Variants in RORA observed in about 807,000 individuals in gnomAD.
RORA encodes RAR related orphan receptor A.
A neutral mutation model predicts 69.5 loss-of-function variants in RORA; 7 were observed. The observed-to-expected ratio is 0.10, with a 90% CI of 0.06 to 0.19. The LOEUF (loss-of-function observed/expected upper bound fraction) is 0.19, where lower values mean the gene tolerates loss of function less well. Among genes scored for constraint, RORA ranks in the 10% least tolerant of loss-of-function variants. The probability of loss-of-function intolerance (pLI) is 1.00; values close to 1 mark genes in which losing one functional copy is unlikely to be tolerated. For missense variants in RORA, 457 were observed against 663.0 expected (o/e 0.69, Z 3.41); for synonymous variants, 261 against 240.8 (o/e 1.08, Z -0.78).
At chr15:60,563,981 C>T (rs2067648032) in intron 2 of RORA, among the ~76,000 whole-genome samples, 1 of 152,132 alleles carries the variant, frequency 6.6e-6, no homozygotes, top group South Asian at 2.1e-4. Context: ...TATTGTACAG[C>T]CTTTCATGGG....
intron 2 of RORA, among the ~76,000 whole-genome samples, chr15:60,587,357 T>C (rs1023356518): frequency 6.6e-6 from 1 of 152,172 alleles, no homozygotes; most frequent in African/African-American, 2.4e-5. Context: ...ATTGGATCTA[T>C]TTTTTTCCCA....
At chr15:60,592,342 CG>C in intron 2 of RORA, 1 of 1,351,344 alleles carries the variant, frequency 7.4e-7, no homozygotes, top group Admixed American at 3.1e-5. Flanking sequence ...CCCCGCCCCC[CG>C]GAGCCGCCAG....
At chr15:61,151,309 C>T (rs1413006678) in intron 1 of RORA, among the ~76,000 whole-genome samples, 1 of 152,206 alleles carries the variant, frequency 6.6e-6, no homozygotes, top group African/African-American at 2.4e-5. Context: ...GCTCTAAATA[C>T]AGTGCTCTTC....
At chr15:60,866,849 T>TATCTATCTA (rs1245521369) in intron 1 of RORA, among the ~76,000 whole-genome samples, 1 of 149,836 alleles carries the variant, frequency 6.7e-6, no homozygotes, top group Non-Finnish European at 1.5e-5. Flanking sequence ...TCTATCTATC[T>TATCTATCTA]ATCTACCTAC....
At chr15:60,677,282 C>G (rs2070567782) in intron 2 of RORA, 1 of 440,920 alleles carries the variant, frequency 2.3e-6, no homozygotes, top group Admixed American at 2.4e-5. Context: ...ATCTCTCAGT[C>G]ATCATGAGCT....
chr15:61,060,997 C>A (rs1201581853), intron 1 of RORA, among the ~76,000 whole-genome samples: 1 of 152,168 alleles, frequency 6.6e-6, no homozygotes, highest in Non-Finnish European at 1.5e-5. Context: ...AAGCAGGTAT[C>A]CTCAAAGTCC....
At chr15:60,600,168 G>A (rs1426442685) in intron 2 of RORA, among the ~76,000 whole-genome samples, 1 of 152,182 alleles carries the variant, frequency 6.6e-6, no homozygotes, top group African/African-American at 2.4e-5. Context: ...AAATAATGGA[G>A]AAAAGATAAG....
At chr15:60,683,846 C>T (rs1303802426) in intron 1 of RORA, among the ~76,000 whole-genome samples, 1 of 152,218 alleles carries the variant, frequency 6.6e-6, no homozygotes, top group Non-Finnish European at 1.5e-5. Flanking sequence ...AAATGCTTGA[C>T]TCTCTTTAAC....
chr15:60,779,454 C>T (rs929555460), intron 1 of RORA, among the ~76,000 whole-genome samples: 3 of 152,136 alleles, frequency 2.0e-5, no homozygotes, highest in African/African-American at 7.2e-5. Context: ...TTTTACCGGC[C>T]CAGCCCTGCC....
chr15:61,201,757 A>G (rs1298695951), intron 1 of RORA, among the ~76,000 whole-genome samples: 9 of 152,204 alleles, frequency 5.9e-5, no homozygotes, highest in African/African-American at 2.2e-4. Context: ...ATAGGTTAGG[A>G]AAGATTAATT....
At chr15:61,023,805 C>CT (rs1224855991) in intron 1 of RORA, among the ~76,000 whole-genome samples, 1 of 152,190 alleles carries the variant, frequency 6.6e-6, no homozygotes, top group Non-Finnish European at 1.5e-5. Context: ...CAACTTCTTC[C>CT]TTTTCATCAT....
chr15:60,512,487 A>G lies in RORA; in HGVS notation c.425-866T>C, dbSNP rs540451803. 5.9e-5 allele frequency among the ~76,000 whole-genome samples: 9 copies of G among 152,158 alleles called. No homozygotes were observed. In the South Asian group the frequency reaches 1.7e-3, roughly 28 times the overall value. ...CTTTATGTAGAGATGGAGTTTCGCT[A>G]TGTTGCCCTGGCTTGAGGTCTGGAA... On this transcript the variant is annotated intron_variant, in intron 4 of 10. Transcript: ENST00000335670.
At position 61,213,927 on chromosome 15, in the gene RORA, A is replaced by T. The variant is rs1010240340; in HGVS notation, c.166+15126T>A. Reference sequence around the variant, plus strand: ...TTCGAGGAATAGATTTTCTTGCTTCATCCCAGTCCTCCCTCAGCTGGCTCA... The same window carrying T: ...TTCGAGGAATAGATTTTCTTGCTTCTTCCCAGTCCTCCCTCAGCTGGCTCA... On this transcript the variant is annotated intron_variant, in intron 1 of 10. Transcript: ENST00000335670. The surrounding 1 kb of genome is among the most constrained non-coding windows in gnomAD (Gnocchi z 4.1). The T allele has an allele frequency of 9.9e-5, 15 of 152,210 alleles. No homozygotes were observed. The highest frequency in any genetic ancestry group is 2.1e-4 in the Non-Finnish European group (14 of 68,040). The allele number at this position is 152,210 out of a possible 1,614,324, so 9.4% of individuals were successfully genotyped here. A position where few individuals can be genotyped will look rare whatever the true frequency, so the allele number is the denominator to read the frequency against.
chr15:61,219,382 G>A (rs1480862416), intron 1 of RORA, among the ~76,000 whole-genome samples: 1 of 152,158 alleles, frequency 6.6e-6, no homozygotes, highest in Non-Finnish European at 1.5e-5. Context: ...AGACCAACCT[G>A]GCGAACACGG....
intron 2 of RORA, among the ~76,000 whole-genome samples, chr15:60,618,951 A>G (rs968330101): frequency 2.6e-5 from 4 of 152,258 alleles, no homozygotes; most frequent in African/African-American, 9.6e-5. Context: ...CTTCACAAAC[A>G]TAAACTAGGT....
At chr15:60,902,891 C>G (rs999545736) in intron 1 of RORA, among the ~76,000 whole-genome samples, 1 of 152,170 alleles carries the variant, frequency 6.6e-6, no homozygotes, top group Non-Finnish European at 1.5e-5. Context: ...AATCTAGGGG[C>G]GTACTCCGCT....
At chr15:60,519,760 C>G (rs1364590219) in intron 3 of RORA, among the ~76,000 whole-genome samples, 1 of 152,052 alleles carries the variant, frequency 6.6e-6, no homozygotes, top group Non-Finnish European at 1.5e-5. Flanking sequence ...ATCATTTTTC[C>G]TCATTTCTGA....
intron 2 of RORA, among the ~76,000 whole-genome samples, chr15:60,647,850 C>T (rs896354313): frequency 6.6e-6 from 1 of 152,214 alleles, no homozygotes; most frequent in African/African-American, 2.4e-5. Flanking sequence ...CCTCAGCCTG[C>T]TGCAGCTGTT....
intron 1 of RORA, among the ~76,000 whole-genome samples, chr15:61,091,018 A>G (rs1339701981): frequency 1.3e-5 from 2 of 152,188 alleles, no homozygotes; most frequent in Non-Finnish European, 2.9e-5. Context: ...GCAGATTTAC[A>G]AGGTAACATC....
Sources: allele counts gnomAD v4.1 joint callset (sites outside exome capture counted in the v4.1 genomes callset), GRCh38; gene constraint gnomAD v4.1.1; non-coding constraint Gnocchi (gnomAD v3.1); transcripts MANE v1.5; gene names NCBI Gene and HGNC (gene_info 2026-07-23, HGNC 2026-07-21).